Variants in CARF observed in about 807,000 individuals in gnomAD.
CARF encodes the protein calcium-responsive transcription factor.
A neutral mutation model predicts 82.0 loss-of-function variants in CARF; 57 were observed. The observed-to-expected ratio is 0.70, with a 90% CI of 0.56 to 0.87. The LOEUF is 0.87. Ranked by LOEUF, CARF falls within the 40% of genes least tolerant of loss-of-function variation. The pLI is 0.00. For missense variants in CARF, 771 were observed against 855.8 expected, an observed-to-expected ratio of 0.90 and a Z score of 1.24; for synonymous variants, 268 against 290.1, an observed-to-expected ratio of 0.92 and a Z score of 0.77.
chr2:202,942,653 A>T, intron 4 of CARF, 87 bp from the exon 5 acceptor site: 1 of 1,125,170 alleles, frequency 8.9e-7, no homozygotes, highest in Non-Finnish European at 1.2e-6. Context: ...AAAACAACTG[A>T]AAAATGGATG....
chr2:202,960,743 C>CGCCTTCCT (rs1043897516), intron 8 of CARF, among the ~76,000 whole-genome samples: 3 of 150,526 alleles, frequency 2.0e-5, no homozygotes, highest in East Asian at 1.9e-4. Context: ...CCCGCCTTCC[C>CGCCTTCCT]GCCTTCCTGC....
Position 202,941,875 on chromosome 2 carries a change from A to C in CARF, c.-28A>C. On this transcript the variant is annotated 5_prime_UTR_variant, in exon 4 of 17. Transcript: ENST00000438828. Reference sequence around the variant, plus strand: ...ACTCTTTCAGCTATTAAATAATAGAAGAAAATGGAATTGAATATGATGTCA... The same window carrying C: ...ACTCTTTCAGCTATTAAATAATAGACGAAAATGGAATTGAATATGATGTCA... The C allele has an allele frequency of 1.3e-6, 2 of 1,560,698 alleles. No homozygotes were observed. Among genetic ancestry groups the C allele is most frequent in the East Asian group, 2.3e-5 (1 of 44,442 alleles).
chr2:202,912,753 G>A lies in CARF; in HGVS notation c.-679G>A, dbSNP rs1688858108. ...CGCCATCGCCGCGGAGAAGGAGCCG[G>A]ACCCCTTGGGCGGAGCGCCCAATGT... is the stretch of plus-strand genomic sequence containing the variant. On this transcript the variant is annotated 5_prime_UTR_variant, in exon 1 of 17. Transcript: ENST00000438828. 1 of 151,314 alleles carries A rather than the reference G, an allele frequency of 6.6e-6. No individual in the cohort carries two copies. The highest frequency in any genetic ancestry group is 1.5e-5 in the Non-Finnish European group (1 of 67,796). 9.4% of individuals were successfully genotyped at this position (151,314 alleles called of 1,614,324 possible). A position where few individuals can be genotyped will look rare whatever the true frequency, so the allele number is the denominator to read the frequency against.
At chr2:202,928,686 T>C (rs1162543476) in intron 3 of CARF, among the ~76,000 whole-genome samples, 1 of 152,142 alleles carries the variant, frequency 6.6e-6, no homozygotes, top group East Asian at 1.9e-4. Flanking sequence ...TAGCTCATTG[T>C]GATTTTGATT....
At chr2:202,942,512 A>G in intron 4 of CARF, 1 of 795,844 alleles carries the variant, frequency 1.3e-6, no homozygotes, top group African/African-American at 1.9e-5. Context: ...GAATTATGTT[A>G]TTTCAGGTTC....
chr2:202,986,901 T>TATACATATATATATAC lies in CARF; in HGVS notation c.*3280_*3281insCATATATATATACATA, dbSNP rs1553584748. The TATACATATATATATAC allele has an allele frequency of 1.5e-5, 2 of 137,302 alleles. No individual in the cohort carries two copies. The highest frequency in any genetic ancestry group is 7.6e-5 in the Admixed American group (1 of 13,178). The allele number at this position is 137,302 out of a possible 1,614,324, so 8.5% of individuals were successfully genotyped here. ...ATATATATATATATATATATATATATATATATAGCAACTTGATGTATAGTG... is the reference window on the plus strand; with the variant it reads ...ATATATATATATATATATATATATATATACATATATATATACATATATAGCAACTTGATGTATAGTG... On this transcript the variant is annotated 3_prime_UTR_variant, in exon 17 of 17. Coordinates refer to ENST00000438828, the MANE Select transcript of CARF (RefSeq NM_024744.17).
chr2:202,946,623 T>C (rs1208507653), intron 5 of CARF, among the ~76,000 whole-genome samples: 2 of 152,166 alleles, frequency 1.3e-5, no homozygotes, highest in Non-Finnish European at 2.9e-5. Context: ...CCAAAAGCAA[T>C]TGCAACAGAA....
intron 4 of CARF, 70 bp downstream of exon 4, chr2:202,942,050 C>A: frequency 8.5e-7 from 1 of 1,182,432 alleles, no homozygotes; most frequent in South Asian, 1.2e-5. Context: ...GCTCTTTATG[C>A]TCAAGGGATA....
At chr2:202,966,585 C>T (rs1454747384) in intron 9 of CARF, among the ~76,000 whole-genome samples, 1 of 152,066 alleles carries the variant, frequency 6.6e-6, no homozygotes, top group East Asian at 1.9e-4. Flanking sequence ...TGGCACACGC[C>T]TATAGTCCCA....
intron 8 of CARF, among the ~76,000 whole-genome samples, 184 bp downstream of exon 8, chr2:202,955,942 G>A (rs1170733625): frequency 6.6e-6 from 1 of 152,090 alleles, no homozygotes; most frequent in Non-Finnish European, 1.5e-5. Flanking sequence ...TAAAGCAGAG[G>A]TTATATATAT....
At chr2:202,933,921 C>T (rs1334536679) in intron 3 of CARF, among the ~76,000 whole-genome samples, 1 of 151,736 alleles carries the variant, frequency 6.6e-6, no homozygotes, top group Non-Finnish European at 1.5e-5. Flanking sequence ...ACAGGGAACA[C>T]AGCTTTCTTT....
At chr2:202,958,650 G>A (rs926485433) in intron 8 of CARF, among the ~76,000 whole-genome samples, 2 of 151,982 alleles carry the variant, frequency 1.3e-5, no homozygotes, top group South Asian at 2.1e-4. Context: ...GGTGGCTCAC[G>A]TCTGTCAGTA....
intron 14 of CARF, among the ~76,000 whole-genome samples, chr2:202,978,169 G>C (rs992413427): frequency 6.6e-6 from 1 of 152,068 alleles, no homozygotes; most frequent in South Asian, 2.1e-4. Flanking sequence ...TCTATAATGA[G>C]CATCTGACTG....
At chr2:202,942,712 G>A in intron 4 of CARF, 28 bp from the exon 5 acceptor site, 10 of 1,487,948 alleles carry the variant, frequency 6.7e-6, no homozygotes, top group Middle Eastern at 1.8e-4. Flanking sequence ...GTGATAGACT[G>A]AAGTGATTTT....
At chr2:202,913,945 G>C (rs1689121502) in intron 1 of CARF, among the ~76,000 whole-genome samples, 1 of 152,068 alleles carries the variant, frequency 6.6e-6, no homozygotes, top group South Asian at 2.1e-4. Context: ...ATCCTGACTT[G>C]ACTAAAATAC....
intron 3 of CARF, chr2:202,934,480 A>G (rs1693549386): frequency 6.6e-6 from 1 of 152,134 alleles, no homozygotes; most frequent in Admixed American, 6.5e-5. Flanking sequence ...TTTTTGAGAC[A>G]AGGTCTTGCT....
intron 14 of CARF, among the ~76,000 whole-genome samples, chr2:202,979,591 A>G (rs990491343): frequency 2.6e-5 from 4 of 152,156 alleles, no homozygotes; most frequent in Admixed American, 2.6e-4. Flanking sequence ...ACCTGAGGTC[A>G]GAAGTTCGAG....
intron 3 of CARF, among the ~76,000 whole-genome samples, chr2:202,927,844 G>A (rs1056728040): frequency 6.7e-6 from 1 of 148,472 alleles, no homozygotes; most frequent in African/African-American, 2.5e-5. Flanking sequence ...TTGTCCCCTA[G>A]GCTGGAGTGC....
chr2:202,971,675 A>G lies in CARF; in HGVS notation c.1268A>G (p.His423Arg), dbSNP rs748789272. The change falls in exon 12 of 17, where the codon CAT (histidine) becomes CGT (arginine). Residue 423 changes from histidine to arginine, a missense_variant. Coordinates refer to ENST00000438828, the MANE Select transcript of CARF (RefSeq NM_024744.17). ...TCACGTTTACATCCTCAAGTAGCAC[A>G]TAAGATTCAAGAATTAGTATCACAG... is the stretch of plus-strand genomic sequence containing the variant. ...LPSRLHPQVAHKIQELVSQGI... is the reference protein window; with the variant it reads ...LPSRLHPQVARKIQELVSQGI... 17 of 1,613,504 alleles carry G rather than the reference A, an allele frequency of 1.1e-5. No homozygotes were observed. The highest frequency in any genetic ancestry group is 4.0e-5 in the African/African-American group (3 of 74,922).
Sources: gnomAD v4.1 joint callset for allele counts (sites outside exome capture counted in the v4.1 genomes callset) on GRCh38, gnomAD v4.1.1 for gene constraint, MANE v1.5 for transcripts, NCBI Gene and HGNC (gene_info 2026-07-23, HGNC 2026-07-21) for gene names.